NCOR1: variants seen among roughly 807,000 people sequenced by gnomAD.
The protein encoded by NCOR1 is nuclear receptor corepressor 1.
In NCOR1, 63 loss-of-function variants were observed where a neutral mutation model predicts 288.1. That is an observed-to-expected ratio of 0.22 (90% CI 0.18 to 0.27). NCOR1 has a LOEUF of 0.27. NCOR1 is among the 10% of genes least tolerant of loss of function. NCOR1 has a pLI of 1.00. For synonymous variants in NCOR1, 1,007 were observed against 1,065.9 expected (o/e 0.94, Z 1.08); for missense variants, 2,397 against 3,019.2 (o/e 0.79, Z 4.83).
intron 18 of NCOR1, among the ~76,000 whole-genome samples, chr17:16,115,091 A>G (rs943294333): frequency 2.0e-5 from 3 of 152,066 alleles, no homozygotes; most frequent in Non-Finnish European, 4.4e-5. Context: ...CTATGTACCC[A>G]CAGGCTCAAC....
chr17:16,156,214 T>C (rs1334244489), intron 6 of NCOR1, among the ~76,000 whole-genome samples: 1 of 152,086 alleles, frequency 6.6e-6, no homozygotes, highest in Admixed American at 6.5e-5. Flanking sequence ...GATGGGTAGA[T>C]GACTTGAGCC....
chr17:16,108,279 C>A, intron 19 of NCOR1: 1 of 336,106 alleles, frequency 3.0e-6, no homozygotes, highest in Non-Finnish European at 6.0e-6. Context: ...AAAACATTTA[C>A]CTTTCCATGA....
chr17:16,106,373 T>C lies in NCOR1; in HGVS notation c.2182+2413A>G, dbSNP rs939735443. Among the ~76,000 whole-genome samples the C allele has an allele frequency of 5.9e-5, 9 of 152,046 alleles. No homozygotes were observed. The East Asian group carries it at 1.7e-3, about 29-fold the overall frequency. ...CAAGCCACAAAAGAGTAGGAAGGTTTCCAAGGCATAATGTTTCACCAAGCA... is the reference window on the plus strand; with the variant it reads ...CAAGCCACAAAAGAGTAGGAAGGTTCCCAAGGCATAATGTTTCACCAAGCA... On this transcript the variant is annotated intron_variant, in intron 19 of 45. Coordinates refer to ENST00000268712, the MANE Select transcript of NCOR1 (RefSeq NM_006311.4).
intron 6 of NCOR1, among the ~76,000 whole-genome samples, chr17:16,157,107 C>T (rs527637350): frequency 5.9e-5 from 9 of 152,074 alleles, no homozygotes; most frequent in African/African-American, 1.9e-4. Flanking sequence ...AAGTGTTTTG[C>T]AGCTATGCAG....
chr17:16,128,565 C>T (rs772595604), intron 14 of NCOR1, among the ~76,000 whole-genome samples: 2 of 152,148 alleles, frequency 1.3e-5, no homozygotes, highest in Non-Finnish European at 2.9e-5. Flanking sequence ...TTGGATAAAA[C>T]AAAAATCAAA....
intron 27 of NCOR1, among the ~76,000 whole-genome samples, chr17:16,074,140 G>A (rs1446317653): frequency 6.6e-6 from 1 of 152,130 alleles, no homozygotes; most frequent in African/African-American, 2.4e-5. Context: ...GAGTGTGGGG[G>A]AGGTAAATAT....
intron 4 of NCOR1, among the ~76,000 whole-genome samples, chr17:16,167,890 A>G (rs1305754980): frequency 6.6e-6 from 1 of 150,716 alleles, no homozygotes; most frequent in African/African-American, 2.4e-5. Context: ...CCACACACAC[A>G]AAAACACAAT....
intron 21 of NCOR1, among the ~76,000 whole-genome samples, chr17:16,097,915 G>A (rs1240173648): frequency 6.6e-6 from 1 of 152,176 alleles, no homozygotes; most frequent in Non-Finnish European, 1.5e-5. Flanking sequence ...GGTAGTTGGT[G>A]TCCGAATTGA....
At chr17:16,163,488 T>A (rs2081313176) in intron 5 of NCOR1, among the ~76,000 whole-genome samples, 1 of 152,174 alleles carries the variant, frequency 6.6e-6, no homozygotes, top group African/African-American at 2.4e-5. Context: ...CAAGGATGGC[T>A]ATATTTTTTT....
At chr17:16,206,601 G>A (rs2091538355) in intron 1 of NCOR1, among the ~76,000 whole-genome samples, 2 of 152,156 alleles carry the variant, frequency 1.3e-5, no homozygotes, top group Non-Finnish European at 2.9e-5. Flanking sequence ...GGCCAGGCTG[G>A]TCTTGAAGTC....
At chr17:16,046,182 A>G (rs1313932689) in intron 42 of NCOR1, among the ~76,000 whole-genome samples, 1 of 152,240 alleles carries the variant, frequency 6.6e-6, no homozygotes, top group East Asian at 1.9e-4. Context: ...CTGGTAGGGT[A>G]GAAAAAGTAG....
At chr17:16,205,934 T>G (rs1244057301) in intron 1 of NCOR1, among the ~76,000 whole-genome samples, 2 of 141,944 alleles carry the variant, frequency 1.4e-5, no homozygotes, top group Non-Finnish European at 3.0e-5. Flanking sequence ...CGATACTCCG[T>G]CTCAAAAAAA....
At chr17:16,165,252 A>G (rs2081801703) in intron 4 of NCOR1, 91 bp from the exon 5 acceptor site, 4 of 1,005,062 alleles carry the variant, frequency 4.0e-6, no homozygotes, top group Non-Finnish European at 4.3e-6. Flanking sequence ...AAACCACAGC[A>G]GAGCCATGTG....
chr17:16,206,796 G>C (rs2091564027), intron 1 of NCOR1, among the ~76,000 whole-genome samples: 4 of 152,074 alleles, frequency 2.6e-5, no homozygotes, highest in Admixed American at 2.6e-4. Flanking sequence ...TAAAAGAATA[G>C]TACATTATGA....
chr17:16,108,723 A>C, intron 19 of NCOR1, 63 bp downstream of exon 19: 1 of 1,461,276 alleles, frequency 6.8e-7, no homozygotes, highest in East Asian at 2.3e-5. Context: ...ACACAGTCAA[A>C]TGACTAAAAA....
chr17:16,117,573 A>C (rs1323069438), intron 18 of NCOR1, among the ~76,000 whole-genome samples: 1 of 151,196 alleles, frequency 6.6e-6, no homozygotes, highest in African/African-American at 2.4e-5. Flanking sequence ...CTGTAATCCC[A>C]GCACTTTGGG....
intron 3 of NCOR1, among the ~76,000 whole-genome samples, chr17:16,184,294 C>T (rs1180935654): frequency 2.0e-5 from 3 of 152,086 alleles, no homozygotes; most frequent in African/African-American, 4.8e-5. Flanking sequence ...ACACAGAAAA[C>T]ATATTTGTAA....
intron 27 of NCOR1, among the ~76,000 whole-genome samples, chr17:16,074,707 G>GA (rs1286229836): frequency 0.018 from 2,729 of 152,000 alleles, 86 homozygotes; most frequent in African/African-American, 0.062. Flanking sequence ...TCAAAACTTT[G>GA]GCTAATATTT....
chr17:16,074,222 ATAAAG>A (rs1314037780), intron 27 of NCOR1, among the ~76,000 whole-genome samples: 2 of 152,216 alleles, frequency 1.3e-5, no homozygotes, highest in Non-Finnish European at 2.9e-5. Context: ...TGGAGGGGTT[ATAAAG>A]CTAAGGTAGG....
Sources: gnomAD v4.1 joint callset for allele counts (sites outside exome capture counted in the v4.1 genomes callset) on GRCh38, gnomAD v4.1.1 for gene constraint, MANE v1.5 for transcripts, NCBI Gene and HGNC (gene_info 2026-07-23, HGNC 2026-07-21) for gene names.